FBXW7: variants seen among roughly 807,000 people sequenced by gnomAD.
The protein encoded by FBXW7 is F-box and WD repeat domain containing 7, also known as F-box/WD repeat-containing protein 7.
In FBXW7, 11 loss-of-function variants were observed where a neutral mutation model predicts 86.3. The observed-to-expected ratio is 0.13, with a 90% CI of 0.08 to 0.21. FBXW7 has a LOEUF of 0.21. FBXW7 is among the 10% of genes least tolerant of loss of function. FBXW7 has a pLI of 1.00. For synonymous variants in FBXW7, 313 were observed against 297.9 expected, an observed-to-expected ratio of 1.05 and a Z score of -0.52; for missense variants, 488 against 847.4, an observed-to-expected ratio of 0.58 and a Z score of 5.27.
At chr4:152,391,293 C>T (rs906106432) in intron 4 of FBXW7, among the ~76,000 whole-genome samples, 30 of 152,044 alleles carry the variant, frequency 2.0e-4, no homozygotes, top group African/African-American at 7.0e-4. Flanking sequence ...GTTGATACCA[C>T]TGGCCTTTTA....
intron 2 of FBXW7, among the ~76,000 whole-genome samples, chr4:152,473,003 T>C (rs1315795114): frequency 2.0e-5 from 3 of 152,184 alleles, no homozygotes; most frequent in African/African-American, 7.2e-5. Flanking sequence ...TATTTTCTAC[T>C]AATGATAAAA....
intron 2 of FBXW7, among the ~76,000 whole-genome samples, chr4:152,429,257 G>A (rs1159745507): frequency 6.6e-6 from 1 of 152,008 alleles, no homozygotes; most frequent in Non-Finnish European, 1.5e-5. Flanking sequence ...TGGGCGTGGG[G>A]AAGAAGTGAG....
intron 2 of FBXW7, among the ~76,000 whole-genome samples, chr4:152,429,592 G>A (rs996294334): frequency 6.6e-6 from 1 of 152,142 alleles, no homozygotes; most frequent in African/African-American, 2.4e-5. Flanking sequence ...AAGCCATGCT[G>A]GAAGACAGCT....
intron 2 of FBXW7, among the ~76,000 whole-genome samples, chr4:152,456,263 C>T (rs563537498): frequency 2.0e-5 from 3 of 151,366 alleles, no homozygotes; most frequent in Non-Finnish European, 4.4e-5. Context: ...CCTGTAATCC[C>T]TGCACTTCTG....
In FBXW7 at chr4:152,481,920, A is replaced by G. The variant is rs376955156; in HGVS notation, c.-120+53021T>C. On this transcript the variant is annotated intron_variant, in intron 2 of 13. Transcript: ENST00000281708. ...CTGTGAACATCATTGAAATAATAAC[A>G]AAGGATTTACAATATTACATACTTA... 9.2e-5 allele frequency among the ~76,000 whole-genome samples: 14 copies of G among 152,238 alleles called. No homozygotes were observed. In the East Asian group the frequency reaches 1.7e-3, roughly 19 times the overall value.
intron 2 of FBXW7, among the ~76,000 whole-genome samples, chr4:152,524,854 T>C (rs1022591794): frequency 6.6e-6 from 1 of 152,160 alleles, no homozygotes; most frequent in African/African-American, 2.4e-5. Context: ...TAACACTCAG[T>C]AGAAAAAGGC....
At chr4:152,418,162 C>CAA (rs1553973687) in intron 2 of FBXW7, among the ~76,000 whole-genome samples, 1 of 150,784 alleles carries the variant, frequency 6.6e-6, no homozygotes, top group Non-Finnish European at 1.5e-5. Flanking sequence ...CACACACACA[C>CAA]AAAATCCACT....
intron 4 of FBXW7, chr4:152,353,120 C>A: frequency 1.8e-6 from 1 of 546,062 alleles, no homozygotes. Flanking sequence ...ACAAATAAGT[C>A]TTTTCAGAAA....
At chr4:152,530,055 C>CAA (rs576815451) in intron 2 of FBXW7, among the ~76,000 whole-genome samples, 3 of 82,836 alleles carry the variant, frequency 3.6e-5, no homozygotes, top group Admixed American at 1.3e-4. Context: ...GACCCCGTCA[C>CAA]AAAAAAAAAA....
chr4:152,376,915 G>A (rs1734584084), intron 4 of FBXW7, among the ~76,000 whole-genome samples: 2 of 151,490 alleles, frequency 1.3e-5, no homozygotes, highest in South Asian at 4.2e-4. Context: ...TACATAATCT[G>A]TGAGATAACT....
intron 2 of FBXW7, among the ~76,000 whole-genome samples, chr4:152,516,735 ATTT>A (rs1248544205): frequency 6.6e-6 from 1 of 152,210 alleles, no homozygotes; most frequent in Admixed American, 6.5e-5. Flanking sequence ...TTAATTTTTA[ATTT>A]TTTAAAGAAA....
intron 6 of FBXW7, among the ~76,000 whole-genome samples, chr4:152,344,962 T>C (rs1578939810): frequency 1.3e-5 from 2 of 152,312 alleles, no homozygotes; most frequent in South Asian, 2.1e-4. Context: ...TTTTCAATCA[T>C]GTTGGTATTT....
At chr4:152,394,812 T>A (rs1417623527) in intron 4 of FBXW7, among the ~76,000 whole-genome samples, 1 of 152,074 alleles carries the variant, frequency 6.6e-6, no homozygotes, top group African/African-American at 2.4e-5. Context: ...CTACCGTCCC[T>A]AAGAAACTCT....
chr4:152,360,890 G>C (rs1732878789), intron 4 of FBXW7, among the ~76,000 whole-genome samples: 1 of 149,832 alleles, frequency 6.7e-6, no homozygotes, highest in Non-Finnish European at 1.5e-5. Context: ...TTGGCTGGCA[G>C]ATACAGAAAG....
intron 2 of FBXW7, among the ~76,000 whole-genome samples, chr4:152,515,794 G>C (rs189656039): frequency 1.8e-4 from 26 of 146,768 alleles, no homozygotes; most frequent in Middle Eastern, 3.5e-3. Context: ...AAGCAATAAT[G>C]TGTTGTATCA....
intron 4 of FBXW7, among the ~76,000 whole-genome samples, chr4:152,351,140 A>AT (rs1731776172): frequency 6.6e-6 from 1 of 152,102 alleles, no homozygotes; most frequent in African/African-American, 2.4e-5. Context: ...CCTCATGTTT[A>AT]TAAGTAGGTA....
At chr4:152,347,195 C>T (rs538022961) in intron 5 of FBXW7, 124 bp from the exon 6 acceptor site, 11 of 812,704 alleles carry the variant, frequency 1.4e-5, no homozygotes, top group African/African-American at 5.3e-5. Context: ...ATATTTCAAA[C>T]ATCAATTAAT....
intron 4 of FBXW7, among the ~76,000 whole-genome samples, chr4:152,363,756 C>T (rs1368587796): frequency 4.6e-4 from 70 of 152,018 alleles, no homozygotes; most frequent in Non-Finnish European, 7.4e-5. Context: ...TTCAATGAAA[C>T]GGTTTAACAA....
intron 4 of FBXW7, among the ~76,000 whole-genome samples, chr4:152,406,869 T>C (rs1019671502): frequency 6.6e-6 from 1 of 152,160 alleles, no homozygotes; most frequent in Non-Finnish European, 1.5e-5. Context: ...ATGCTGAAGG[T>C]TGTAAAACAT....
Sources: allele counts gnomAD v4.1 joint callset (sites outside exome capture counted in the v4.1 genomes callset), GRCh38; gene constraint gnomAD v4.1.1; transcripts MANE v1.5; gene names NCBI Gene and HGNC (gene_info 2026-07-23, HGNC 2026-07-21).